Variants in EPC2 observed in about 807,000 individuals in gnomAD.
EPC2 encodes the protein enhancer of polycomb 2.
EPC2 carries 14 observed loss-of-function variants against 92.1 expected under a neutral mutation model. The observed-to-expected ratio is 0.15, with a 90% CI of 0.10 to 0.24. The LOEUF is 0.24. Among genes scored for constraint, EPC2 ranks in the 10% least tolerant of loss-of-function variants. The pLI is 1.00. For synonymous variants in EPC2, 340 were observed against 334.7 expected (o/e 1.02, Z -0.17); for missense variants, 755 against 971.5 (o/e 0.78, Z 2.96).
rs138835043 is a variant in EPC2, at chr2:148,646,493, A to G, written c.153+1323A>G. 3.9e-4 allele frequency among the ~76,000 whole-genome samples: 60 copies of G among 152,252 alleles called. No homozygotes were observed. In the East Asian group the frequency reaches 0.011, roughly 28 times the overall value. On this transcript the variant is annotated intron_variant, in intron 1 of 13. Coordinates refer to ENST00000258484, the MANE Select transcript of EPC2 (RefSeq NM_015630.4). ...GTAATAGATATATATACACGCACAT[A>G]CACATATATATTTGTGTGTGCATAT... is the stretch of plus-strand genomic sequence containing the variant.
chr2:148,717,745 A>G (rs1302487628), intron 2 of EPC2, among the ~76,000 whole-genome samples: 1 of 152,176 alleles, frequency 6.6e-6, no homozygotes, highest in Non-Finnish European at 1.5e-5. Flanking sequence ...GGAGAGTTCT[A>G]TAGGTATTTG....
chr2:148,662,432 G>A (rs1680956921), intron 1 of EPC2, among the ~76,000 whole-genome samples: 1 of 152,090 alleles, frequency 6.6e-6, no homozygotes, highest in Non-Finnish European at 1.5e-5. Context: ...GTCCAACAAC[G>A]ATAGACTGGA....
chr2:148,754,197 T>C (rs763654760), intron 4 of EPC2, 64 bp downstream of exon 4: 14 of 1,243,768 alleles, frequency 1.1e-5, no homozygotes, highest in Non-Finnish European at 1.5e-5. Flanking sequence ...TCTTTTTTTT[T>C]CTAATAACTT....
chr2:148,658,603 G>GTATATATA (rs1298472101), intron 1 of EPC2, among the ~76,000 whole-genome samples: 1 of 18,162 alleles, frequency 5.5e-5, no homozygotes, highest in African/African-American at 1.1e-4. Context: ...CTGTGTGTGT[G>GTATATATA]TGTGTATATA....
chr2:148,724,115 T>C (rs1644043609), intron 2 of EPC2, among the ~76,000 whole-genome samples: 1 of 152,158 alleles, frequency 6.6e-6, no homozygotes, highest in Admixed American at 6.5e-5. Context: ...AATCTTATTC[T>C]GAAGACAGTT....
chr2:148,758,857 G>A (rs1683245347), intron 4 of EPC2, among the ~76,000 whole-genome samples: 1 of 152,154 alleles, frequency 6.6e-6, no homozygotes, highest in African/African-American at 2.4e-5. Context: ...TTTTGTGGTA[G>A]TTGTACCAAA....
Position 148,663,451 on chromosome 2 carries a change from C to G in EPC2, c.153+18281C>G, listed in dbSNP as rs990727844. On this transcript the variant is annotated intron_variant, in intron 1 of 13. Coordinates refer to ENST00000258484, the MANE Select transcript of EPC2 (RefSeq NM_015630.4). Reference sequence around the variant, plus strand: ...GCCAGGATGGTCTCAATCTCCTGACCTCGTGACCCACCCGCCTTGGCCTCC... The same window carrying G: ...GCCAGGATGGTCTCAATCTCCTGACGTCGTGACCCACCCGCCTTGGCCTCC... Among the ~76,000 whole-genome samples, 6 of 151,588 alleles carry G rather than the reference C, an allele frequency of 4.0e-5. No individual in the cohort carries two copies. In the Middle Eastern group the frequency reaches 0.01, roughly 258 times the overall value.
At chr2:148,747,326 G>T (rs958066970) in intron 3 of EPC2, among the ~76,000 whole-genome samples, 2 of 151,926 alleles carry the variant, frequency 1.3e-5, no homozygotes, top group African/African-American at 4.8e-5. Flanking sequence ...TCCTGTAGAA[G>T]CATAATCCTA....
At chr2:148,766,799 C>T (rs1283199542) in intron 7 of EPC2, among the ~76,000 whole-genome samples, 9 of 152,122 alleles carry the variant, frequency 5.9e-5, no homozygotes, top group Admixed American at 5.9e-4. Context: ...AAGAAAATGA[C>T]ATAGTTAGAT....
In EPC2 at chr2:148,649,133, T is replaced by C. The variant is rs149898852; in HGVS notation, c.153+3963T>C. Among the ~76,000 whole-genome samples, 99 of 152,360 alleles carry C rather than the reference T, an allele frequency of 6.5e-4. 1 individual carries two copies. The highest frequency in any genetic ancestry group is 2.3e-3 in the African/African-American group (97 of 41,588). On this transcript the variant is annotated intron_variant, in intron 1 of 13. Coordinates refer to ENST00000258484, the MANE Select transcript of EPC2 (RefSeq NM_015630.4). ...CTTGCCATTTACTGAATACTTCATATATCCGAGATACTGTGTTAAGGGCTT... is the reference window on the plus strand; with the variant it reads ...CTTGCCATTTACTGAATACTTCATACATCCGAGATACTGTGTTAAGGGCTT...
intron 3 of EPC2, among the ~76,000 whole-genome samples, chr2:148,753,053 T>C (rs1307237422): frequency 6.6e-6 from 1 of 152,222 alleles, no homozygotes; most frequent in Non-Finnish European, 1.5e-5. Context: ...CTTTTTCTAA[T>C]GTTTGCTGTA....
Position 148,781,711 on chromosome 2 carries a change from G to A in EPC2, c.1788G>A (p.Gln596=), listed in dbSNP as rs1683752118. The change falls in exon 11 of 14, where the codon CAG becomes CAA. Residue 596 remains glutamine (Q), a synonymous_variant. Transcript: ENST00000258484. ...HQQQLVQMQR[Q]QLAQLQQKQQ... is the part of the protein sequence containing the mutation. ...AGCAGTTAGTTCAGATGCAAAGGCA[G>A]CAACTTGCCCAGCTTCAGCAGAAAC... is the stretch of plus-strand genomic sequence containing the variant. 6.2e-7 allele frequency: 1 copy of A among 1,613,864 alleles called. No individual in the cohort carries two copies. The highest frequency in any genetic ancestry group is 1.1e-5 in the South Asian group (1 of 91,084).
At chr2:148,679,804 T>C (rs1681357305) in intron 1 of EPC2, among the ~76,000 whole-genome samples, 1 of 152,052 alleles carries the variant, frequency 6.6e-6, no homozygotes, top group African/African-American at 2.4e-5. Flanking sequence ...AGCCACCACA[T>C]CCAGCTAATT....
intron 1 of EPC2, among the ~76,000 whole-genome samples, chr2:148,680,231 G>A (rs1241608544): frequency 6.6e-6 from 1 of 151,682 alleles, no homozygotes; most frequent in East Asian, 1.9e-4. Context: ...TACTTTCTTT[G>A]GGCATCTTTC....
At chr2:148,646,461 C>T (rs1012264082) in intron 1 of EPC2, among the ~76,000 whole-genome samples, 5 of 151,602 alleles carry the variant, frequency 3.3e-5, no homozygotes, top group African/African-American at 1.2e-4. Context: ...TGTACACACA[C>T]AAATATGTAA....
At chr2:148,675,269 T>G (rs1197197279) in intron 1 of EPC2, among the ~76,000 whole-genome samples, 1 of 152,186 alleles carries the variant, frequency 6.6e-6, no homozygotes, top group Non-Finnish European at 1.5e-5. Context: ...CTCTGCCTTT[T>G]ATGTTCTTAG....
In EPC2 at chr2:148,712,430, G is replaced by C. The variant is rs973617799; in HGVS notation, c.313+22057G>C. The stretch of plus-strand genomic sequence containing the variant: ...CATTCGACACACAGACACACACACA[G>C]ACAATGTGCCACATAATGTTTTGAT... On this transcript the variant is annotated intron_variant, in intron 2 of 13. Coordinates refer to ENST00000258484, the MANE Select transcript of EPC2 (RefSeq NM_015630.4). 3.5e-5 allele frequency among the ~76,000 whole-genome samples: 5 copies of C among 144,372 alleles called. No homozygotes were observed. In the East Asian group the frequency reaches 5.8e-4, roughly 17 times the overall value. The allele number at this position is 144,372 out of a possible 152,430, so 94.7% of individuals were successfully genotyped here. A position where few individuals can be genotyped will look rare whatever the true frequency, so the allele number is the denominator to read the frequency against.
At chr2:148,732,056 A>T (rs912161907) in intron 2 of EPC2, among the ~76,000 whole-genome samples, 4 of 152,218 alleles carry the variant, frequency 2.6e-5, no homozygotes, top group African/African-American at 9.6e-5. Flanking sequence ...AACAATTGAT[A>T]AAAAAGAGTG....
intron 2 of EPC2, among the ~76,000 whole-genome samples, chr2:148,714,978 C>T (rs767861241): frequency 2.0e-5 from 3 of 149,596 alleles, no homozygotes; most frequent in Non-Finnish European, 3.0e-5. Context: ...ATGAAATCTT[C>T]GCCCATGCCT....
Sources: gnomAD v4.1 joint callset for allele counts (sites outside exome capture counted in the v4.1 genomes callset) on GRCh38, gnomAD v4.1.1 for gene constraint, MANE v1.5 for transcripts, NCBI Gene and HGNC (gene_info 2026-07-23, HGNC 2026-07-21) for gene names.